FAM135B: variants seen among roughly 807,000 people sequenced by gnomAD.
FAM135B encodes family with sequence similarity 135 member B, also known as protein FAM135B.
In FAM135B, 43 loss-of-function variants were observed where a neutral mutation model predicts 127.7. That is an observed-to-expected ratio of 0.34 (90% confidence interval 0.26 to 0.43). The LOEUF is 0.43. Among genes scored for constraint, FAM135B ranks in the 20% least tolerant of loss-of-function variants. The pLI is 1.00. For missense variants in FAM135B, 1,558 were observed against 1,725.6 expected (o/e 0.90, Z 1.72); for synonymous variants, 670 against 665.1 (o/e 1.01, Z -0.11).
intron 1 of FAM135B, among the ~76,000 whole-genome samples, chr8:138,385,041 C>T (rs540027083): frequency 3.2e-4 from 49 of 152,294 alleles, no homozygotes; most frequent in African/African-American, 1.2e-3. Context: ...AACCCCCTTC[C>T]CCTAAGATGC....
intron 3 of FAM135B, among the ~76,000 whole-genome samples, chr8:138,298,424 A>C (rs1825628789): frequency 6.6e-6 from 1 of 152,256 alleles, no homozygotes; most frequent in African/African-American, 2.4e-5. Context: ...GAATTAATTA[A>C]GGAAACAAGC....
Position 138,168,009 on chromosome 8 carries a change from A to C in FAM135B, c.1144T>G (p.Ser382Ala), listed in dbSNP as rs984727395. 1.2e-6 allele frequency: 2 copies of C among 1,613,748 alleles called. No homozygotes were observed. Among genetic ancestry groups the C allele is most frequent in the African/African-American group, 2.7e-5 (2 of 74,892 alleles). The change falls in exon 12 of 20, where the codon TCG becomes GCG. Residue 382 changes from serine (S) to alanine (A), a missense_variant. Coordinates refer to ENST00000395297, the MANE Select transcript of FAM135B (RefSeq NM_015912.4). ...HSQLSLDIRN[S>A]EYLTSMPPLP... The stretch of plus-strand genomic sequence containing the variant: ...GGGGGCATGCTAGTGAGGTACTCCG[A>C]GTTCCGGATATCCAGGGACAGCTGG...
chr8:138,490,908 C>T (rs1411104820), intron 1 of FAM135B, among the ~76,000 whole-genome samples: 4 of 151,880 alleles, frequency 2.6e-5, no homozygotes, highest in East Asian at 1.9e-4. Context: ...TTTGGGGGGC[C>T]GAGGCGGGTG....
rs142014597 is a variant in FAM135B, at chr8:138,452,722, T to C, written c.-20+43949A>G. On this transcript the variant is annotated intron_variant, in intron 1 of 19. Coordinates refer to ENST00000395297, the MANE Select transcript of FAM135B (RefSeq NM_015912.4). ...TCTAGTCTAGGGTCTCTCATTAAGT[T>C]GCAGTCAAGATGTCAGTTAGGGCTA... 2.0e-3 allele frequency among the ~76,000 whole-genome samples: 312 copies of C among 152,244 alleles called. 2 individuals are homozygous for C. The East Asian group carries it at 0.022, about 11-fold the overall frequency.
At chr8:138,248,425 C>A (rs16908681) in intron 6 of FAM135B, among the ~76,000 whole-genome samples, 44,898 of 152,006 alleles carry the variant, frequency 0.3, 7,351 homozygotes, top group East Asian at 0.62. Flanking sequence ...CTTAGTGACA[C>A]CCACCTTGAA....
chr8:138,495,359 G>A (rs1245513967), intron 1 of FAM135B, among the ~76,000 whole-genome samples: 1 of 152,064 alleles, frequency 6.6e-6, no homozygotes, highest in Non-Finnish European at 1.5e-5. Context: ...CCTCCAATCT[G>A]GTCCACTTTC....
intron 9 of FAM135B, among the ~76,000 whole-genome samples, chr8:138,191,111 C>T (rs1816080781): frequency 6.6e-6 from 1 of 152,190 alleles, no homozygotes; most frequent in Non-Finnish European, 1.5e-5. Context: ...TCATCAACAC[C>T]AGGCCCATGG....
At position 138,427,550 on chromosome 8, in the gene FAM135B, T is replaced by G. The variant is rs115221380; in HGVS notation, c.-19-59548A>C. Among the ~76,000 whole-genome samples, 878 of 152,146 alleles carry G rather than the reference T, an allele frequency of 5.8e-3. 12 individuals carry two copies. The highest frequency in any genetic ancestry group is 0.019 in the African/African-American group (787 of 41,544). On this transcript the variant is annotated intron_variant, in intron 1 of 19. Transcript: ENST00000395297. ...AAAGTGAGAATGAAATTTGAAAACT[T>G]AACACTGCAACAACTTGCCAGCATA...
At chr8:138,478,209 T>C (rs1451178944) in intron 1 of FAM135B, among the ~76,000 whole-genome samples, 2 of 152,128 alleles carry the variant, frequency 1.3e-5, no homozygotes, top group East Asian at 3.9e-4. Flanking sequence ...TCCCACCTCC[T>C]GCCACTAGTC....
At chr8:138,338,966 T>C (rs940646381) in intron 2 of FAM135B, among the ~76,000 whole-genome samples, 1 of 151,928 alleles carries the variant, frequency 6.6e-6, no homozygotes, top group Non-Finnish European at 1.5e-5. Flanking sequence ...TGTAGGGACA[T>C]GGATGAAGCT....
intron 1 of FAM135B, among the ~76,000 whole-genome samples, chr8:138,434,957 C>T (rs565294443): frequency 1.7e-4 from 26 of 152,348 alleles, no homozygotes; most frequent in African/African-American, 6.0e-4. Context: ...TCCTCTGGCA[C>T]ATTACCTGCT....
At position 138,139,056 on chromosome 8, in the gene FAM135B, T is replaced by C. The variant is rs145788864; in HGVS notation, c.3831A>G (p.Leu1277=). 27 of 1,613,806 alleles carry C rather than the reference T, an allele frequency of 1.7e-5. No individual in the cohort carries two copies. In the East Asian group the frequency reaches 5.6e-4, roughly 33 times the overall value. The change falls in exon 18 of 20, where the codon CTA becomes CTG. Residue 1277 remains leucine, a synonymous_variant. Transcript: ENST00000395297. ...CATTATCCCTGAAGGTCAGCTGCAG[T>C]AGAGACCCGGATTTCTTCAGTTTCT... is the stretch of plus-strand genomic sequence containing the variant. ...LMQKLKKSGS[L]LQLTFRDNAD...
At chr8:138,417,261 G>T (rs1205111933) in intron 1 of FAM135B, among the ~76,000 whole-genome samples, 1 of 152,158 alleles carries the variant, frequency 6.6e-6, no homozygotes, top group African/African-American at 2.4e-5. Context: ...GTCCCTGCCT[G>T]ACTGCACCTA....
intron 3 of FAM135B, among the ~76,000 whole-genome samples, chr8:138,303,794 G>A (rs577634539): frequency 3.4e-4 from 51 of 152,198 alleles, no homozygotes; most frequent in Middle Eastern, 3.4e-3. Flanking sequence ...GAAATCTATC[G>A]AGTACCCACA....
intron 9 of FAM135B, among the ~76,000 whole-genome samples, chr8:138,194,014 G>A (rs1816388931): frequency 6.6e-6 from 1 of 152,164 alleles, no homozygotes; most frequent in Non-Finnish European, 1.5e-5. Context: ...TGTCTACCCA[G>A]CTGCCCGCTC....
chr8:138,278,750 G>T (rs1399734972), intron 3 of FAM135B, among the ~76,000 whole-genome samples: 1 of 151,742 alleles, frequency 6.6e-6, no homozygotes, highest in East Asian at 2.0e-4. Flanking sequence ...TTTTAGTAGA[G>T]AGGGGGTTTC....
chr8:138,362,510 T>A (rs1830494703), intron 2 of FAM135B, among the ~76,000 whole-genome samples: 1 of 152,126 alleles, frequency 6.6e-6, no homozygotes, highest in Non-Finnish European at 1.5e-5. Flanking sequence ...GTGAAGAAGA[T>A]GTTGCAAGGT....
chr8:138,390,300 C>T (rs934928860), intron 1 of FAM135B, among the ~76,000 whole-genome samples: 5 of 152,058 alleles, frequency 3.3e-5, no homozygotes, highest in Non-Finnish European at 5.9e-5. Context: ...GGGGCGGTTT[C>T]CCCCAGCTGT....
At position 138,243,024 on chromosome 8, in the gene FAM135B, G is replaced by A. The variant is rs1384047675; in HGVS notation, c.587C>T (p.Pro196Leu). 6.2e-7 allele frequency: 1 copy of A among 1,613,648 alleles called. No homozygotes were observed. ...GATAGACTGTTCTTGTCCGGTGTCT[G>A]GGCCACCTTTACCAAGCCAGGAGCC... ...GRGSWLGKGG[P>L]DTGQEQSIIS... is the part of the protein sequence containing the mutation. The change falls in exon 7 of 20, where the codon CCA becomes CTA. Residue 196 changes from proline to leucine, a missense_variant. Coordinates refer to ENST00000395297, the MANE Select transcript of FAM135B (RefSeq NM_015912.4). The surrounding 1 kb of genome is among the most constrained non-coding windows in gnomAD (Gnocchi z 7.5).
Sources: allele counts gnomAD v4.1 joint callset (sites outside exome capture counted in the v4.1 genomes callset), GRCh38; gene constraint gnomAD v4.1.1; non-coding constraint Gnocchi (gnomAD v3.1); transcripts MANE v1.5; gene names NCBI Gene and HGNC (gene_info 2026-07-23, HGNC 2026-07-21).